Variants in DMD observed in about 807,000 individuals in gnomAD.
The protein encoded by DMD is dystrophin, also known as mutant dystrophin.
In DMD, 63 loss-of-function variants were observed where a neutral mutation model predicts 330.1. That is an observed-to-expected ratio of 0.19 (90% CI 0.16 to 0.24). The LOEUF is 0.24. Ranked by LOEUF, DMD falls within the 10% of genes least tolerant of loss-of-function variation. The pLI is 1.00. For missense variants in DMD, 3,344 were observed against 2,684.1 expected (o/e 1.25, Z -5.43); for synonymous variants, 1,223 against 959.8 (o/e 1.27, Z -5.07).
At chrX:32,356,204 T>A (rs1364479750) in intron 37 of DMD, among the ~76,000 whole-genome samples, 1 of 109,590 alleles carries the variant, frequency 9.1e-6, no homozygotes, top group East Asian at 2.8e-4. Context: ...CTTAATTATT[T>A]TCCACACATA....
At chrX:31,122,077 T>C (rs2032700197) in intron 78 of DMD, 147 bp from the exon 79 acceptor site, 1 of 500,130 alleles carries the variant, frequency 2.0e-6, no homozygotes, top group Non-Finnish European at 3.5e-6. Flanking sequence ...CAACAAGGTT[T>C]GATTTTTCAC....
At chrX:32,186,811 T>C (rs2096949726) in intron 44 of DMD, among the ~76,000 whole-genome samples, 1 of 111,098 alleles carries the variant, frequency 9.0e-6, no homozygotes, top group South Asian at 3.7e-4. Context: ...GGACCTTTTA[T>C]GAACGTTGAG....
intron 42 of DMD, among the ~76,000 whole-genome samples, chrX:32,301,130 G>A (rs1180578576): frequency 9.4e-6 from 1 of 106,260 alleles, no homozygotes; most frequent in African/African-American, 3.4e-5. Context: ...TGATGTTGGG[G>A]AAATGTGCTT....
intron 47 of DMD, among the ~76,000 whole-genome samples, chrX:31,911,932 C>A (rs975272217): frequency 2.2e-4 from 25 of 111,690 alleles, no homozygotes; most frequent in Admixed American, 5.7e-4. Flanking sequence ...ATAAGCAGAG[C>A]GAAAATAAAA....
At chrX:32,914,181 G>C (rs1427856402) in intron 2 of DMD, among the ~76,000 whole-genome samples, 2 of 112,113 alleles carry the variant, frequency 1.8e-5, no homozygotes, top group African/African-American at 3.2e-5. Flanking sequence ...ACAGACTGCA[G>C]AGGAAGAAAA....
Position 32,400,534 on chromosome X carries a change from T to C in DMD, c.4234-10353A>G, listed in dbSNP as rs369074368. Among the ~76,000 whole-genome samples the C allele has an allele frequency of 3.6e-5, 4 of 111,272 alleles. No homozygotes were observed. In the East Asian group the frequency reaches 1.1e-3, roughly 32 times the overall value. ...ATTGGAATAGTTTCAGAAGGAATGG[T>C]ATCAGTTCCTCCTTGTACCTCTGCA... is the stretch of plus-strand genomic sequence containing the variant. On this transcript the variant is annotated intron_variant, in intron 30 of 78. Coordinates refer to ENST00000357033, the MANE Select transcript of DMD (RefSeq NM_004006.3).
At chrX:31,313,755 C>T (rs1288450697) in intron 62 of DMD, among the ~76,000 whole-genome samples, 1 of 109,896 alleles carries the variant, frequency 9.1e-6, no homozygotes, top group Non-Finnish European at 1.9e-5. Context: ...TCCCCCCTCC[C>T]CTTTATTAGA....
At chrX:32,170,485 A>T (rs947445275) in intron 44 of DMD, among the ~76,000 whole-genome samples, 7 of 107,059 alleles carry the variant, frequency 6.5e-5, no homozygotes, top group Non-Finnish European at 1.2e-4. Flanking sequence ...TAATAATAAT[A>T]ATAATTATTA....
intron 44 of DMD, among the ~76,000 whole-genome samples, chrX:31,976,546 C>A (rs753422932): frequency 9.0e-6 from 1 of 110,768 alleles, no homozygotes; most frequent in African/African-American, 3.3e-5. Context: ...TTTTCATTTG[C>A]TGGCAGAGAG....
intron 45 of DMD, among the ~76,000 whole-genome samples, chrX:31,956,514 A>C (rs1233001285): frequency 9.0e-6 from 1 of 111,649 alleles, no homozygotes; most frequent in Non-Finnish European, 1.9e-5. Flanking sequence ...TTACATAGAG[A>C]GGTAAGAATA....
At chrX:31,635,550 A>G (rs1453136690) in intron 54 of DMD, among the ~76,000 whole-genome samples, 1 of 111,885 alleles carries the variant, frequency 8.9e-6, no homozygotes, top group Non-Finnish European at 1.9e-5. Context: ...TCTAATATCA[A>G]ATGGCAAACA....
rs1294944678 is a variant in DMD at position 32,192,316 on chromosome X, C to T, written c.6438+24600G>A. On this transcript the variant is annotated intron_variant, in intron 44 of 78. Transcript: ENST00000357033. Reference sequence around the variant, plus strand: ...CATAAAGATCCAGAAATGAGTAAAACATACATCTAGTTAAGGGGAGAAGGC... The same window carrying T: ...CATAAAGATCCAGAAATGAGTAAAATATACATCTAGTTAAGGGGAGAAGGC... Among the ~76,000 whole-genome samples, 11 of 111,501 alleles carry T rather than the reference C, an allele frequency of 9.9e-5. No individual in the cohort carries two copies. The Admixed American group carries it at 1.0e-3, about 11-fold the overall frequency.
At chrX:33,179,176 C>G (rs1387083707) in intron 1 of DMD, among the ~76,000 whole-genome samples, 1 of 111,743 alleles carries the variant, frequency 8.9e-6, no homozygotes, top group Non-Finnish European at 1.9e-5. Context: ...TGGAACCATG[C>G]AGATTTGAAA....
chrX:32,423,985 A>G (rs992657132), intron 29 of DMD, among the ~76,000 whole-genome samples: 6 of 111,515 alleles, frequency 5.4e-5, no homozygotes, highest in South Asian at 3.7e-4. Context: ...ATACACATTC[A>G]TGTCTATTTT....
chrX:31,211,002 C>G (rs62590133), intron 64 of DMD, among the ~76,000 whole-genome samples: 66 of 112,073 alleles, frequency 5.9e-4, no homozygotes, highest in Non-Finnish European at 1.1e-3. Flanking sequence ...GCACTCCTCC[C>G]TTGGAAGGGA....
At chrX:32,778,347 C>T (rs1481817337) in intron 7 of DMD, among the ~76,000 whole-genome samples, 1 of 110,280 alleles carries the variant, frequency 9.1e-6, no homozygotes, top group East Asian at 2.9e-4. Flanking sequence ...GAAATGAGCA[C>T]TGCTGGACTT....
chrX:31,317,503 G>A (rs2056104503), intron 62 of DMD, among the ~76,000 whole-genome samples: 1 of 100,097 alleles, frequency 1.0e-5, no homozygotes, highest in Non-Finnish European at 2.0e-5. Context: ...AATAAGAAAT[G>A]AGGAAATTTT....
intron 55 of DMD, among the ~76,000 whole-genome samples, chrX:31,595,129 A>C (rs766632565): frequency 1.5e-4 from 17 of 111,508 alleles, no homozygotes; most frequent in Non-Finnish European, 3.2e-4. Context: ...ATGTTTTGAC[A>C]TAAGCTCACA....
intron 34 of DMD, 34 bp from the exon 35 acceptor site, chrX:32,365,233 G>A: frequency 8.4e-7 from 1 of 1,184,315 alleles, no homozygotes; most frequent in Non-Finnish European, 1.1e-6. Context: ...TTCAAGTAAT[G>A]TCTTGTAGTC....
Sources: allele counts gnomAD v4.1 joint callset (sites outside exome capture counted in the v4.1 genomes callset), GRCh38; gene constraint gnomAD v4.1.1; transcripts MANE v1.5; gene names NCBI Gene and HGNC (gene_info 2026-07-23, HGNC 2026-07-21).